The following PIAS1 variants were observed in gnomAD, a reference collection of about 807,000 sequenced individuals.
The protein encoded by PIAS1 is protein inhibitor of activated STAT 1.
A neutral mutation model predicts 71.3 loss-of-function variants in PIAS1; 6 were observed. The ratio of observed to expected loss-of-function variants is 0.08; its 90% CI spans 0.05 to 0.17. The LOEUF (loss-of-function observed/expected upper bound fraction) is 0.17, where lower values mean the gene tolerates loss of function less well. Ranked by LOEUF, PIAS1 falls within the 10% of genes least tolerant of loss-of-function variation. The pLI, the probability that PIAS1 is intolerant of heterozygous loss-of-function variation, is 1.00. For missense variants in PIAS1, 555 were observed against 793.6 expected, an observed-to-expected ratio of 0.70 and a Z score of 3.61; for synonymous variants, 303 against 292.9, an observed-to-expected ratio of 1.03 and a Z score of -0.35.
intron 7 of PIAS1, among the ~76,000 whole-genome samples, chr15:68,161,242 C>G (rs1431767533): frequency 6.6e-6 from 1 of 152,134 alleles, no homozygotes; most frequent in African/African-American, 2.4e-5. Flanking sequence ...ATCACACAAA[C>G]TATGTGCAAG....
chr15:68,145,682 G>C lies in PIAS1; in HGVS notation c.603-134G>C, dbSNP rs1450743243. On this transcript the variant is annotated intron_variant, in intron 4 of 13. Transcript: ENST00000249636. ...ATTTACATATACTTATTAATAGGGT[G>C]AAAAGTCCAGTTTTTATAGTTTTCC... The C allele has an allele frequency of 5.0e-6, 3 of 599,354 alleles. No homozygotes were observed. The African/African-American group carries it at 5.6e-5, about 11-fold the overall frequency. 37.1% of individuals were successfully genotyped at this position (599,354 alleles called of 1,614,324 possible). A position where few individuals can be genotyped will look rare whatever the true frequency, so the allele number is the denominator to read the frequency against.
In PIAS1 at chr15:68,054,401, C is replaced by T. The variant is rs2140945594; in HGVS notation, c.24+51C>T. The T allele has an allele frequency of 2.6e-6, 4 of 1,543,500 alleles. No homozygotes were observed. The highest frequency in any genetic ancestry group is 1.2e-5 in the South Asian group (1 of 83,818). On this transcript the variant is annotated intron_variant, in intron 1 of 13. Transcript: ENST00000249636. The surrounding 1 kb of genome is among the most constrained non-coding windows in gnomAD (Gnocchi z 4.6). ...TAATATTCGGCCGCGGAGACGGCGC[C>T]GCTGCTGCCAGGGGGGATGGGTCCG...
chr15:68,121,304 C>G (rs112388299), intron 2 of PIAS1, among the ~76,000 whole-genome samples: 28 of 150,054 alleles, frequency 1.9e-4, no homozygotes, highest in African/African-American at 6.8e-4. Flanking sequence ...TTTTACTCCA[C>G]TTCTTACTCT....
chr15:68,063,087 T>G (rs901943840), intron 1 of PIAS1, among the ~76,000 whole-genome samples: 1 of 152,198 alleles, frequency 6.6e-6, no homozygotes, highest in African/African-American at 2.4e-5. Flanking sequence ...TGCTGGAGTT[T>G]CACTTAACAA....
rs775425802 is a variant in PIAS1 at position 68,146,589 on chromosome 15, T to C, written c.717T>C (p.Asn239=). ...SLPGYLPPTK[N]GVEPKRPSRP... is the part of the protein sequence containing the mutation. ...AGGGTTACCTTCCACCTACAAAAAATGGCGTGGAACCAAAGCGACCCAGCC... is the reference window on the plus strand; with the variant it reads ...AGGGTTACCTTCCACCTACAAAAAACGGCGTGGAACCAAAGCGACCCAGCC... The change falls in exon 6 of 14, where the codon AAT becomes AAC. Residue 239 remains asparagine (N), a synonymous_variant. Coordinates refer to ENST00000249636, the MANE Select transcript of PIAS1 (RefSeq NM_016166.3). 1.9e-6 allele frequency: 3 copies of C among 1,612,668 alleles called. No homozygotes were observed. Among genetic ancestry groups the C allele is most frequent in the Non-Finnish European group, 8.5e-7 (1 of 1,178,908 alleles).
rs1255400000 is a variant in PIAS1, at chr15:68,173,701, T to C, written c.1009-31T>C. The C allele has an allele frequency of 1.0e-5, 15 of 1,473,310 alleles. No individual in the cohort carries two copies. Among genetic ancestry groups the C allele is most frequent in the Non-Finnish European group, 1.4e-5 (15 of 1,096,166 alleles). 91.3% of individuals were successfully genotyped at this position (1,473,310 alleles called of 1,614,324 possible). On this transcript the variant is annotated intron_variant, in intron 8 of 13. Transcript: ENST00000249636. The surrounding 1 kb of genome is among the most constrained non-coding windows in gnomAD (Gnocchi z 4.3). ...AAGCTTAAATGTTGAATAGCAATTA[T>C]CTAATATTTACTTTTTCTCCCTTTT... is the stretch of plus-strand genomic sequence containing the variant.
rs1171141034 is a variant in PIAS1, at chr15:68,082,132, CA to C, written c.25-4173del. On this transcript the variant is annotated intron_variant, in intron 1 of 13. Coordinates refer to ENST00000249636, the MANE Select transcript of PIAS1 (RefSeq NM_016166.3). ...CCAGCACTCTGTACTGAGCCAAACT[CA>C]GTCGTAAGGGTAAATGAAGATTTTA... is the stretch of plus-strand genomic sequence containing the variant. Among the ~76,000 whole-genome samples, 12 of 152,272 alleles carry C rather than the reference CA, an allele frequency of 7.9e-5. No homozygotes were observed. The East Asian group carries it at 2.3e-3, about 29-fold the overall frequency.
At position 68,171,619 on chromosome 15, in the gene PIAS1, G is replaced by A. The variant is rs945544185; in HGVS notation, c.1009-2113G>A. Among the ~76,000 whole-genome samples, 2 of 152,158 alleles carry A rather than the reference G, an allele frequency of 1.3e-5. No homozygotes were observed. The highest frequency in any genetic ancestry group is 2.9e-5 in the Non-Finnish European group (2 of 68,028). ...TTGCTCTAGTCTCAGTAAGTTTATA[G>A]CATGTTCAGTGTTCTATTTTTATTC... On this transcript the variant is annotated intron_variant, in intron 8 of 13. Coordinates refer to ENST00000249636, the MANE Select transcript of PIAS1 (RefSeq NM_016166.3). This position sits in a 1 kb window ranked among gnomAD's most constrained non-coding sequence, Gnocchi z 4.4.
chr15:68,082,281 C>A (rs1215287923), intron 1 of PIAS1, among the ~76,000 whole-genome samples: 1 of 151,946 alleles, frequency 6.6e-6, no homozygotes, highest in East Asian at 1.9e-4. Flanking sequence ...CATAAGGAAA[C>A]GGGATCCAGT....
chr15:68,106,493 A>G (rs2141004572), intron 2 of PIAS1, among the ~76,000 whole-genome samples: 1 of 152,352 alleles, frequency 6.6e-6, no homozygotes, highest in African/African-American at 2.4e-5. Flanking sequence ...AGAAGCAGGA[A>G]GAAAATATTC....
intron 9 of PIAS1, among the ~76,000 whole-genome samples, chr15:68,175,410 T>G (rs115645689): frequency 1.5e-3 from 231 of 152,346 alleles, no homozygotes; most frequent in African/African-American, 5.4e-3. Flanking sequence ...AATGAAGCTT[T>G]CTTTTGTTGA....
At chr15:68,160,565 A>C (rs2092918011) in intron 7 of PIAS1, among the ~76,000 whole-genome samples, 1 of 152,168 alleles carries the variant, frequency 6.6e-6, no homozygotes, top group Non-Finnish European at 1.5e-5. Context: ...CTTTTTCAGA[A>C]TTGTTTTGAA....
At chr15:68,112,704 AG>A (rs1219685578) in intron 2 of PIAS1, among the ~76,000 whole-genome samples, 3 of 152,346 alleles carry the variant, frequency 2.0e-5, no homozygotes, top group Admixed American at 6.5e-5. Flanking sequence ...TTCACTGTCC[AG>A]TGTCGGCAAG....
At chr15:68,124,143 G>A (rs1222754345) in intron 2 of PIAS1, among the ~76,000 whole-genome samples, 1 of 152,100 alleles carries the variant, frequency 6.6e-6, no homozygotes, top group African/African-American at 2.4e-5. Context: ...TGATAATGAT[G>A]GTGGGAGGTT....
At chr15:68,104,570 C>A (rs1414719796) in intron 2 of PIAS1, among the ~76,000 whole-genome samples, 1 of 151,972 alleles carries the variant, frequency 6.6e-6, no homozygotes, top group Non-Finnish European at 1.5e-5. Flanking sequence ...CGTGTTCTCA[C>A]TTATATGTGG....
intron 2 of PIAS1, among the ~76,000 whole-genome samples, chr15:68,128,044 C>T (rs1485984814): frequency 2.6e-5 from 4 of 152,280 alleles, no homozygotes; most frequent in South Asian, 2.1e-4. Flanking sequence ...GGATTACAGG[C>T]GTGAGCTACC....
intron 2 of PIAS1, among the ~76,000 whole-genome samples, chr15:68,137,882 C>T (rs943220091): frequency 6.6e-6 from 1 of 152,182 alleles, no homozygotes; most frequent in Non-Finnish European, 1.5e-5. Context: ...AAGATTTGGG[C>T]ATGTAATCCC....
At chr15:68,170,624 A>G (rs887197306) in intron 8 of PIAS1, among the ~76,000 whole-genome samples, 3 of 152,132 alleles carry the variant, frequency 2.0e-5, no homozygotes, top group Admixed American at 6.5e-5. Context: ...TTCTTTCTTC[A>G]GTAATAAACC....
At chr15:68,168,215 G>A (rs977601676) in intron 8 of PIAS1, among the ~76,000 whole-genome samples, 1 of 151,904 alleles carries the variant, frequency 6.6e-6, no homozygotes, top group Non-Finnish European at 1.5e-5. Context: ...CACCATGTTG[G>A]CTAGGCTAGT....
Sources: gnomAD v4.1 joint callset for allele counts (sites outside exome capture counted in the v4.1 genomes callset) on GRCh38, gnomAD v4.1.1 for gene constraint, Gnocchi (gnomAD v3.1) non-coding constraint, MANE v1.5 for transcripts, NCBI Gene and HGNC (gene_info 2026-07-23, HGNC 2026-07-21) for gene names.